The following HTR4 variants were observed in gnomAD, a reference collection of about 807,000 sequenced individuals.
HTR4 encodes 5-hydroxytryptamine receptor 4, also known as 5-hydroxytryptamine (serotonin) receptor 4, G protein-coupled.
A neutral mutation model predicts 36.8 loss-of-function variants in HTR4; 16 were observed. The observed-to-expected ratio is 0.43, with a 90% CI of 0.29 to 0.66. The LOEUF (loss-of-function observed/expected upper bound fraction) is 0.66, where lower values mean the gene tolerates loss of function less well. Ranked by LOEUF, HTR4 falls within the 30% of genes least tolerant of loss-of-function variation. The pLI is 0.13. For synonymous variants in HTR4, 189 were observed against 185.1 expected (o/e 1.02, Z -0.17); for missense variants, 438 against 490.9 (o/e 0.89, Z 1.02).
intron 2 of HTR4, among the ~76,000 whole-genome samples, chr5:148,574,517 T>C (rs1203168055): frequency 6.6e-6 from 1 of 152,000 alleles, no homozygotes; most frequent in Non-Finnish European, 1.5e-5. Flanking sequence ...TTCAGGGAGG[T>C]TAGAATTACT....
At chr5:148,468,210 T>G (rs1485010262) in intron 5 of HTR4, among the ~76,000 whole-genome samples, 1 of 152,040 alleles carries the variant, frequency 6.6e-6, no homozygotes, top group Non-Finnish European at 1.5e-5. Flanking sequence ...TTAGGAAAAC[T>G]CAAAACCAGG....
chr5:148,614,218 T>C (rs1157895014), intron 2 of HTR4, among the ~76,000 whole-genome samples: 1 of 152,254 alleles, frequency 6.6e-6, no homozygotes, highest in East Asian at 1.9e-4. Context: ...GAGCCTGCAT[T>C]GCCAAGTCAA....
intron 1 of HTR4, among the ~76,000 whole-genome samples, chr5:148,647,363 G>T (rs1050506636): frequency 6.6e-6 from 1 of 152,134 alleles, no homozygotes; most frequent in African/African-American, 2.4e-5. Context: ...TACCAAAACT[G>T]CCGATCTTTG....
chr5:148,547,580 T>C (rs1195769491), intron 4 of HTR4, among the ~76,000 whole-genome samples: 1 of 134,336 alleles, frequency 7.4e-6, no homozygotes, highest in African/African-American at 3.0e-5. Context: ...TAAATAAAAA[T>C]AAATGAAAAT....
chr5:148,463,050 A>T (rs1268712703), intron 5 of HTR4, among the ~76,000 whole-genome samples: 1 of 152,106 alleles, frequency 6.6e-6, no homozygotes, highest in African/African-American at 2.4e-5. Context: ...CCCACAGCTA[A>T]AACCAGGCTT....
intron 2 of HTR4, among the ~76,000 whole-genome samples, chr5:148,584,303 C>T (rs956906199): frequency 1.6e-4 from 25 of 152,102 alleles, no homozygotes; most frequent in African/African-American, 5.8e-4. Flanking sequence ...TTAAGGTAAT[C>T]AGCTGGTGGC....
At chr5:148,520,334 A>C (rs1272873762) in intron 5 of HTR4, among the ~76,000 whole-genome samples, 1 of 152,180 alleles carries the variant, frequency 6.6e-6, no homozygotes, top group African/African-American at 2.4e-5. Flanking sequence ...AAAATTAAAT[A>C]GGCAATCCCT....
At chr5:148,592,511 C>T (rs1238534399) in intron 2 of HTR4, among the ~76,000 whole-genome samples, 6 of 152,114 alleles carry the variant, frequency 3.9e-5, no homozygotes, top group Non-Finnish European at 5.9e-5. Context: ...TGAAAATTTG[C>T]TGTTGCTCTG....
rs1755129911 is a variant in HTR4 at position 148,457,565 on chromosome 5, CAGTG to C, written c.1077-6297_1077-6294del. Among the ~76,000 whole-genome samples, 6 of 151,278 alleles carry C rather than the reference CAGTG, an allele frequency of 4.0e-5. 1 individual carries two copies. The South Asian group carries it at 1.2e-3, about 32-fold the overall frequency. ...ATCACCCCAGCCTTCTCCTGCAAGG[CAGTG>C]TTCACAAAGACTGGGTGAGGAGGGA... On this transcript the variant is annotated intron_variant, in intron 5 of 5. Coordinates refer to the HTR4 transcript ENST00000521530.
chr5:148,614,377 G>C (rs908070792), intron 2 of HTR4, among the ~76,000 whole-genome samples: 1 of 151,878 alleles, frequency 6.6e-6, no homozygotes, highest in African/African-American at 2.4e-5. Context: ...AAATAATGCC[G>C]CATATCTACA....
intron 5 of HTR4, chr5:148,465,716 T>C: frequency 8.5e-7 from 1 of 1,178,842 alleles, no homozygotes; most frequent in Non-Finnish European, 1.1e-6. Flanking sequence ...GCTCTGCAGT[T>C]CTGTGCCAAC....
At chr5:148,473,182 C>A (rs574710742), downstream of HTR4, among the ~76,000 whole-genome samples, 697 of 151,758 alleles carry the variant, frequency 4.6e-3, 9 homozygotes, top group African/African-American at 0.016. Context: ...GCCTGTAGTC[C>A]CAGCTACTCG....
At position 148,509,648 on chromosome 5, in the gene HTR4, G is replaced by A; in HGVS notation, c.884C>T (p.Thr295Ile). 1 of 1,614,084 alleles carries A rather than the reference G, an allele frequency of 6.2e-7. No homozygotes were observed. The highest frequency in any genetic ancestry group is 8.5e-7 in the Non-Finnish European group (1 of 1,180,006). The stretch of plus-strand genomic sequence containing the variant: ...GATATAGCCGAGCCAGAGGAAAGCA[G>A]TCCACACCTGCCCAGGGACAGTGTA... ...IDYTVPGQVW[T>I]AFLWLGYINS... Residue 295 changes from threonine (T) to isoleucine (I), a missense_variant, in exon 6 of 7, where the codon ACT (threonine) becomes ATT (isoleucine). Thr to Ile is a moderately conservative substitution (Grantham distance 89). Transcript: ENST00000377888.
chr5:148,630,209 G>C (rs1436567610), intron 2 of HTR4: 1 of 152,138 alleles, frequency 6.6e-6, no homozygotes, highest in Admixed American at 6.6e-5. Flanking sequence ...TTCCTGCCTG[G>C]ACACTGACAA....
intron 2 of HTR4, among the ~76,000 whole-genome samples, chr5:148,557,365 AT>A (rs35666294): frequency 0.25 from 37,843 of 152,118 alleles, 5,653 homozygotes; most frequent in Non-Finnish European, 0.34. Context: ...TAAACGCCAT[AT>A]TTTAGAATTG....
intron 6 of HTR4, among the ~76,000 whole-genome samples, chr5:148,492,067 T>A (rs751653460): frequency 5.3e-5 from 8 of 152,268 alleles, no homozygotes; most frequent in African/African-American, 7.2e-5. Context: ...ATAAACCACG[T>A]TGGGCATTTC....
intron 5 of HTR4, among the ~76,000 whole-genome samples, chr5:148,456,457 A>G (rs1755104058): frequency 1.3e-5 from 2 of 152,206 alleles, no homozygotes; most frequent in South Asian, 4.1e-4. Context: ...TCAATTTGGG[A>G]AATATTGAGA....
intron 5 of HTR4, among the ~76,000 whole-genome samples, chr5:148,454,331 T>C (rs1561556821): frequency 6.6e-6 from 1 of 152,168 alleles, no homozygotes; most frequent in Non-Finnish European, 1.5e-5. Flanking sequence ...GAAGCTAAAA[T>C]TATTTTTTTT....
intron 2 of HTR4, among the ~76,000 whole-genome samples, chr5:148,596,111 A>C (rs1185386745): frequency 1.3e-5 from 2 of 152,234 alleles, no homozygotes; most frequent in Admixed American, 1.3e-4. Context: ...TGAGAAGTCT[A>C]AAATATTCAC....
Sources: allele counts gnomAD v4.1 joint callset (sites outside exome capture counted in the v4.1 genomes callset), GRCh38; gene constraint gnomAD v4.1.1; transcripts MANE v1.5; gene names NCBI Gene and HGNC (gene_info 2026-07-23, HGNC 2026-07-21).